The following GAS7 variants were observed in gnomAD, a reference collection of about 807,000 sequenced individuals.
GAS7 encodes growth arrest specific 7.
Under a neutral mutation model 71.1 loss-of-function variants are expected in GAS7, and 28 were observed. That is an observed-to-expected ratio of 0.39 (90% CI 0.29 to 0.54). The LOEUF (loss-of-function observed/expected upper bound fraction) is 0.54. Ranked by LOEUF, GAS7 falls within the 20% of genes least tolerant of loss-of-function variation. The pLI, the probability that GAS7 is intolerant of heterozygous loss-of-function variation, is 0.62. For synonymous variants in GAS7, 258 were observed against 245.8 expected (o/e 1.05, Z -0.46); for missense variants, 436 against 627.8 (o/e 0.69, Z 3.27).
At position 9,974,868 on chromosome 17, in the gene GAS7, C is replaced by T. The variant is rs2070123826; in HGVS notation, c.386-5106G>A. Among the ~76,000 whole-genome samples, 1 of 152,172 alleles carries T rather than the reference C, an allele frequency of 6.6e-6. No individual in the cohort carries two copies. The stretch of plus-strand genomic sequence containing the variant: ...CTCACCCCCACCCACAGCTCGGCTT[C>T]CATATCTCAGTACCGATCCCTGAGG... On this transcript the variant is annotated intron_variant, in intron 3 of 13. Coordinates refer to ENST00000432992, the MANE Select transcript of GAS7 (RefSeq NM_201433.2). The surrounding 1 kb of genome is among the most constrained non-coding windows in gnomAD (Gnocchi z 4.0).
At chr17:9,975,196 A>G (rs1212409890) in intron 3 of GAS7, among the ~76,000 whole-genome samples, 1 of 152,110 alleles carries the variant, frequency 6.6e-6, no homozygotes, top group Non-Finnish European at 1.5e-5. Context: ...CTCTACTAAA[A>G]TACAAAAAAT....
intron 1 of GAS7, among the ~76,000 whole-genome samples, chr17:10,121,835 C>A (rs1049563291): frequency 6.6e-6 from 1 of 152,132 alleles, no homozygotes; most frequent in African/African-American, 2.4e-5. Context: ...AAAAGTCTCA[C>A]AAGCTCAGAA....
intron 1 of GAS7, among the ~76,000 whole-genome samples, chr17:10,084,154 C>T (rs968972008): frequency 3.4e-4 from 51 of 151,980 alleles, no homozygotes; most frequent in African/African-American, 5.6e-4. Flanking sequence ...GGCAATAGAG[C>T]GAGACTCCAT....
intron 1 of GAS7, among the ~76,000 whole-genome samples, chr17:10,152,520 C>G (rs1268295347): frequency 6.6e-6 from 1 of 152,128 alleles, no homozygotes; most frequent in African/African-American, 2.4e-5. Context: ...AAAAGGAGAC[C>G]CACCTAGACC....
chr17:10,006,829 G>A (rs1404071236), intron 2 of GAS7, among the ~76,000 whole-genome samples: 3 of 152,166 alleles, frequency 2.0e-5, no homozygotes, highest in Admixed American at 1.3e-4. Context: ...CCACGCTGAT[G>A]ACACTTAAGA....
intron 8 of GAS7, among the ~76,000 whole-genome samples, chr17:9,938,201 A>G (rs1367145064): frequency 2.0e-5 from 3 of 152,116 alleles, no homozygotes; most frequent in Non-Finnish European, 4.4e-5. Context: ...TGATAGGATT[A>G]GTGTCCTTAT....
At position 10,126,442 on chromosome 17, in the gene GAS7, A is replaced by G. The variant is rs376429627; in HGVS notation, c.183+71766T>C. On this transcript the variant is annotated intron_variant, in intron 1 of 13. Coordinates refer to ENST00000432992, the MANE Select transcript of GAS7 (RefSeq NM_201433.2). Reference sequence around the variant, plus strand: ...CACACACAAACACGCAGATGCACACACGCGCGCGCGCACACGCACTCATGC... The same window carrying G: ...CACACACAAACACGCAGATGCACACGCGCGCGCGCGCACACGCACTCATGC... Among the ~76,000 whole-genome samples the G allele has an allele frequency of 2.0e-3, 296 of 151,240 alleles. 10 individuals are homozygous for G. In the South Asian group the frequency reaches 0.02, roughly 10 times the overall value.
At chr17:10,158,566 T>C (rs1476228511) in intron 1 of GAS7, among the ~76,000 whole-genome samples, 1 of 152,100 alleles carries the variant, frequency 6.6e-6, no homozygotes, top group East Asian at 1.9e-4. Context: ...GAATGAAGTA[T>C]ACTGCTGTTC....
intron 11 of GAS7, chr17:9,924,531 C>CCCG (rs1266516865): frequency 1.3e-5 from 2 of 148,876 alleles, no homozygotes; most frequent in African/African-American, 2.5e-5. Context: ...TTCTGTGCCC[C>CCCG]CCCTTCTCTC....
chr17:9,951,760 CAAAAAAAAAAA>C (rs59048492), intron 5 of GAS7, among the ~76,000 whole-genome samples: 1 of 69,012 alleles, frequency 1.4e-5, no homozygotes, highest in Non-Finnish European at 2.9e-5. Flanking sequence ...AACTCTGTCT[CAAAAAAAAAAA>C]AAAAAAAAAA....
At chr17:10,127,649 C>T (rs540200781) in intron 1 of GAS7, among the ~76,000 whole-genome samples, 4 of 152,312 alleles carry the variant, frequency 2.6e-5, no homozygotes, top group Non-Finnish European at 4.4e-5. Flanking sequence ...CCAGATCTTG[C>T]GCAGAAAATC....
At chr17:10,074,175 G>C (rs568771014) in intron 1 of GAS7, among the ~76,000 whole-genome samples, 1 of 152,170 alleles carries the variant, frequency 6.6e-6, no homozygotes, top group Admixed American at 6.5e-5. Flanking sequence ...TGGGAGGGGG[G>C]TGCTGCCCAA....
rs190700655 is a variant in GAS7 at position 10,102,549 on chromosome 17, G to A, written c.184-82652C>T. On this transcript the variant is annotated intron_variant, in intron 1 of 13. Transcript: ENST00000432992. The stretch of plus-strand genomic sequence containing the variant: ...TGCTTACATAGACAAGTGCCCACAC[G>A]TTCTAGGGGCAGCCCTGCCTCCACA... Among the ~76,000 whole-genome samples, 12 of 152,278 alleles carry A rather than the reference G, an allele frequency of 7.9e-5. No homozygotes were observed. The East Asian group carries it at 1.2e-3, about 15-fold the overall frequency.
rs1262121465 is a variant in GAS7 at position 10,106,767 on chromosome 17, T to G, written c.184-86870A>C. Among the ~76,000 whole-genome samples the G allele has an allele frequency of 9.6e-5, 9 of 94,184 alleles. No homozygotes were observed. In the Admixed American group the frequency reaches 1.2e-3, roughly 12 times the overall value. 61.8% of individuals were successfully genotyped at this position (94,184 alleles called of 152,430 possible). ...AATTATTAAAAGATACCCGCTGTGG[T>G]AGGCTTGAAAGTGCCCCCCCCCCCA... On this transcript the variant is annotated intron_variant, in intron 1 of 13. Transcript: ENST00000432992.
At chr17:9,928,575 G>A (rs1188404042) in intron 9 of GAS7, among the ~76,000 whole-genome samples, 58 of 152,134 alleles carry the variant, frequency 3.8e-4, no homozygotes, top group African/African-American at 1.4e-3. Context: ...GCCTCCACCG[G>A]TCTTAGAGGT....
chr17:9,950,224 T>C (rs577711033), intron 5 of GAS7, among the ~76,000 whole-genome samples: 6 of 152,258 alleles, frequency 3.9e-5, no homozygotes, highest in Admixed American at 1.3e-4. Flanking sequence ...GTAAGATTCC[T>C]GGCCAGGGCA....
At chr17:10,038,552 A>G (rs534592973) in intron 1 of GAS7, among the ~76,000 whole-genome samples, 29 of 152,322 alleles carry the variant, frequency 1.9e-4, no homozygotes, top group African/African-American at 6.5e-4. Context: ...TATATACCAA[A>G]AAGAACTGAA....
intron 2 of GAS7, among the ~76,000 whole-genome samples, chr17:10,005,058 TATGTGTGTATGCACGCATAC>T (rs548217478): frequency 5.1e-4 from 73 of 143,364 alleles, no homozygotes; most frequent in Non-Finnish European, 8.4e-4. Context: ...TATACACATA[TATGTGTGTATGCACGCATAC>T]ATGCGTGTGT....
Position 10,041,174 on chromosome 17 carries a change from A to AAAGAAGAAG in GAS7, c.184-21286_184-21278dup, listed in dbSNP as rs1370335460. Among the ~76,000 whole-genome samples, 4 of 151,134 alleles carry AAAGAAGAAG rather than the reference A, an allele frequency of 2.6e-5. 1 individual carries two copies. Among genetic ancestry groups the AAAGAAGAAG allele is most frequent in the African/African-American group, 9.8e-5 (4 of 40,666 alleles). ...AAGACTGCCTAAAAAAAAAAAAAAAAAAGAAGAAGGTAAAAGCAAAACTTC... is the reference window on the plus strand; with the variant it reads ...AAGACTGCCTAAAAAAAAAAAAAAAAAAGAAGAAGAAGAAGAAGGTAAAAGCAAAACTTC... On this transcript the variant is annotated intron_variant, in intron 1 of 13. Coordinates refer to ENST00000432992, the MANE Select transcript of GAS7 (RefSeq NM_201433.2).
Sources: gnomAD v4.1 joint callset for allele counts (sites outside exome capture counted in the v4.1 genomes callset) on GRCh38, gnomAD v4.1.1 for gene constraint, Gnocchi (gnomAD v3.1) non-coding constraint, MANE v1.5 for transcripts, NCBI Gene and HGNC (gene_info 2026-07-23, HGNC 2026-07-21) for gene names.